SDK1: variants seen among roughly 807,000 people sequenced by gnomAD.
The protein encoded by SDK1 is sidekick cell adhesion molecule 1, also known as protein sidekick-1.
A neutral mutation model predicts 245.5 loss-of-function variants in SDK1; 157 were observed. The observed-to-expected ratio is 0.64, with a 90% confidence interval of 0.56 to 0.73. The LOEUF is 0.73. SDK1 is among the 30% of genes least tolerant of loss of function. The pLI is 0.00. For synonymous variants in SDK1, 1,647 were observed against 1,278.5 expected (o/e 1.29, Z -6.15); for missense variants, 3,583 against 3,002.3 (o/e 1.19, Z -4.52).
chr7:3,500,956 A>G (rs953913130), intron 1 of SDK1, among the ~76,000 whole-genome samples: 4 of 151,970 alleles, frequency 2.6e-5, no homozygotes, highest in Admixed American at 6.6e-5. Context: ...TAGATGAAGC[A>G]TTTTTTAATA....
intron 22 of SDK1, among the ~76,000 whole-genome samples, chr7:4,093,970 G>A (rs1384964938): frequency 1.3e-5 from 2 of 152,214 alleles, no homozygotes; most frequent in Non-Finnish European, 2.9e-5. Flanking sequence ...GCAGATGAGT[G>A]TATCTGCTTT....
intron 1 of SDK1, among the ~76,000 whole-genome samples, chr7:3,582,279 GGTAGGTCTGTCTCAGGTAGGTCTC>G (rs1562579736): frequency 5.9e-5 from 9 of 151,558 alleles, no homozygotes; most frequent in African/African-American, 1.9e-4. Flanking sequence ...GTCTCCCTCA[GGTAGGTCTGTCTCAGGTAGGTCTC>G]CCTCAGGTAG....
intron 44 of SDK1, among the ~76,000 whole-genome samples, chr7:4,261,125 G>T (rs932649990): frequency 6.6e-6 from 1 of 152,140 alleles, no homozygotes; most frequent in African/African-American, 2.4e-5. Flanking sequence ...TCCCTGCTAC[G>T]CCTCCATGGG....
In SDK1 at chr7:3,560,775, C is replaced by A. The variant is rs915299066; in HGVS notation, c.299-58305C>A. Among the ~76,000 whole-genome samples, 3 of 152,298 alleles carry A rather than the reference C, an allele frequency of 2.0e-5. No individual in the cohort carries two copies. The East Asian group carries it at 5.8e-4, about 29-fold the overall frequency. ...TATCCTCCTCTCCTACTACCCCTCC[C>A]CAGCTCTGCTCTTCCAGCCTCTCTG... On this transcript the variant is annotated intron_variant, in intron 1 of 44. Coordinates refer to ENST00000404826, the MANE Select transcript of SDK1 (RefSeq NM_152744.4).
intron 4 of SDK1, among the ~76,000 whole-genome samples, chr7:3,705,507 T>G (rs1429219506): frequency 6.6e-6 from 1 of 150,814 alleles, no homozygotes; most frequent in Admixed American, 6.6e-5. Flanking sequence ...TATTTTATTT[T>G]TGCAGCTTTT....
intron 26 of SDK1, among the ~76,000 whole-genome samples, chr7:4,129,427 G>T (rs539820021): frequency 1.8e-5 from 2 of 112,970 alleles, no homozygotes; most frequent in Non-Finnish European, 4.0e-5. Context: ...TTGGGGTGGG[G>T]TACCTACAGC....
At chr7:3,675,342 T>C (rs917912249) in intron 4 of SDK1, among the ~76,000 whole-genome samples, 4 of 152,226 alleles carry the variant, frequency 2.6e-5, no homozygotes, top group African/African-American at 9.6e-5. Flanking sequence ...GCTGGAATTA[T>C]TATAACAGCT....
rs75095978 is a variant in SDK1 at position 3,818,376 on chromosome 7, G to T, written c.714-3074G>T. Among the ~76,000 whole-genome samples the T allele has an allele frequency of 4.0e-3, 604 of 152,258 alleles. 3 individuals carry two copies. Among genetic ancestry groups the T allele is most frequent in the African/African-American group, 0.013 (531 of 41,548 alleles). ...TACCATAATTACTCAGCATGCCCCT[G>T]TGTTCTTTTCATTACCTTCTGATAG... On this transcript the variant is annotated intron_variant, in intron 4 of 44. Coordinates refer to ENST00000404826, the MANE Select transcript of SDK1 (RefSeq NM_152744.4).
At chr7:3,845,652 C>T (rs981862051) in intron 5 of SDK1, among the ~76,000 whole-genome samples, 2 of 151,582 alleles carry the variant, frequency 1.3e-5, no homozygotes, top group Non-Finnish European at 2.9e-5. Flanking sequence ...GCAGTGGGCT[C>T]CCTTTAGCAT....
intron 14 of SDK1, among the ~76,000 whole-genome samples, chr7:3,998,553 G>A (rs560994236): frequency 1.3e-5 from 2 of 152,228 alleles, no homozygotes; most frequent in South Asian, 4.2e-4. Context: ...CAGCTTTTGG[G>A]AATTCATGCA....
At chr7:3,597,487 G>A (rs1781104713) in intron 1 of SDK1, among the ~76,000 whole-genome samples, 1 of 152,122 alleles carries the variant, frequency 6.6e-6, no homozygotes, top group Non-Finnish European at 1.5e-5. Context: ...AACACCGGCG[G>A]CGGGGAGGCC....
chr7:3,696,616 A>G (rs1479300264), intron 4 of SDK1, among the ~76,000 whole-genome samples: 1 of 150,914 alleles, frequency 6.6e-6, no homozygotes, highest in East Asian at 1.9e-4. Context: ...ACCTACATTT[A>G]AGGTTACTCA....
intron 10 of SDK1, among the ~76,000 whole-genome samples, chr7:3,968,347 G>T (rs1037665492): frequency 3.8e-4 from 58 of 152,198 alleles, no homozygotes; most frequent in Non-Finnish European, 6.9e-4. Context: ...TCTGTGCTTA[G>T]CCTTGTTGAT....
chr7:3,898,352 C>A (rs1781674089), intron 5 of SDK1, among the ~76,000 whole-genome samples: 2 of 152,170 alleles, frequency 1.3e-5, no homozygotes, highest in South Asian at 4.1e-4. Flanking sequence ...ATGGGACAAG[C>A]CTGCTGTCCG....
At chr7:3,878,434 G>A (rs6462418) in intron 5 of SDK1, among the ~76,000 whole-genome samples, 37,808 of 152,044 alleles carry the variant, frequency 0.25, 5,601 homozygotes, top group African/African-American at 0.41. Flanking sequence ...GGAGAATGGC[G>A]TGAACCCGGG....
At chr7:3,311,803 C>T (rs1371987839) in intron 1 of SDK1, among the ~76,000 whole-genome samples, 1 of 152,078 alleles carries the variant, frequency 6.6e-6, no homozygotes, top group Non-Finnish European at 1.5e-5. Flanking sequence ...TTTAAAATAC[C>T]AGGGAATCCC....
chr7:3,331,630 T>G (rs913827350), intron 1 of SDK1, among the ~76,000 whole-genome samples: 1 of 152,216 alleles, frequency 6.6e-6, no homozygotes, highest in African/African-American at 2.4e-5. Flanking sequence ...GATGTCCACT[T>G]TATCTTTTGT....
At chr7:4,070,100 C>T (rs1363919546) in intron 20 of SDK1, among the ~76,000 whole-genome samples, 1 of 152,214 alleles carries the variant, frequency 6.6e-6, no homozygotes, top group African/African-American at 2.4e-5. Flanking sequence ...GTCCAAACAA[C>T]GGAAGTGTTA....
chr7:4,016,924 T>G (rs998606592), intron 16 of SDK1, among the ~76,000 whole-genome samples: 1 of 152,216 alleles, frequency 6.6e-6, no homozygotes, highest in East Asian at 1.9e-4. Context: ...AAGCTGTAAT[T>G]TTTTCTTAAC....
Sources: allele counts gnomAD v4.1 joint callset (sites outside exome capture counted in the v4.1 genomes callset), GRCh38; gene constraint gnomAD v4.1.1; transcripts MANE v1.5; gene names NCBI Gene and HGNC (gene_info 2026-07-23, HGNC 2026-07-21).